The following ACTB variants were observed in gnomAD, a reference collection of about 807,000 sequenced individuals.
ACTB encodes the protein actin beta.
A neutral mutation model predicts 30.5 loss-of-function variants in ACTB; 2 were observed. The ratio of observed to expected loss-of-function variants is 0.07; its 90% CI spans 0.03 to 0.21. The LOEUF (loss-of-function observed/expected upper bound fraction) is 0.21, where lower values mean the gene tolerates loss of function less well. Among genes scored for constraint, ACTB ranks in the 10% least tolerant of loss-of-function variants. The pLI is 1.00. For missense variants in ACTB, 56 were observed against 530.0 expected, an observed-to-expected ratio of 0.11 and a Z score of 8.78; for synonymous variants, 335 against 217.6, an observed-to-expected ratio of 1.54 and a Z score of -4.75.
intron 3 of ACTB, 99 bp from the exon 4 acceptor site, chr7:5,528,818 G>A: frequency 6.7e-7 from 1 of 1,492,142 alleles, no homozygotes; most frequent in Non-Finnish European, 9.3e-7. Context: ...ACGGCTAAGT[G>A]TGCTGGGGTC....
At position 5,528,973 on chromosome 7, in the gene ACTB, G is replaced by A. The variant is rs1223077296; in HGVS notation, c.363+188C>T. 1.0e-5 allele frequency: 16 copies of A among 1,569,304 alleles called. No individual in the cohort carries two copies. The Admixed American group carries it at 2.5e-4, about 25-fold the overall frequency. ...ACTGTCTTAGACACCTAGTCAGAGA[G>A]ACAAACACCAGAAAAAGAGCTCATC... On this transcript the variant is annotated intron_variant, in intron 3 of 5. Transcript: ENST00000646664.
In ACTB at chr7:5,528,124, G is replaced by A. The variant is rs766044090; in HGVS notation, c.864C>T (p.Asp288=). Reference sequence around the variant, plus strand: ...TGTTGGCGTACAGGTCTTTGCGGATGTCCACGTCACACTTCATGATGGAGT... The same window carrying A: ...TGTTGGCGTACAGGTCTTTGCGGATATCCACGTCACACTTCATGATGGAGT... ...TFNSIMKCDV[D]IRKDLYANTV... Residue 288 remains aspartate (D), a synonymous_variant, in exon 5 of 6, where the codon GAC becomes GAT. Transcript: ENST00000646664. 1.6e-5 allele frequency: 26 copies of A among 1,614,104 alleles called. No homozygotes were observed. The highest frequency in any genetic ancestry group is 2.0e-5 in the Non-Finnish European group (24 of 1,180,046).
In ACTB at chr7:5,528,499, T is replaced by C; in HGVS notation, c.584A>G (p.Glu195Gly). The change falls in exon 4 of 6, where the codon GAG becomes GGG. Residue 195 changes from glutamate to glycine, a missense_variant. By Grantham distance (98) the Glu-to-Gly change is moderately conservative (BLOSUM62 -2). This residue lies in a region of ACTB where 32 missense variants were observed against 288.4 expected (regional missense o/e 0.11). Transcript: ENST00000646664. ...CGTGGTGGTGAAGCTGTAGCCGCGC[T>C]CGGTGAGGATCTTCATGAGGTAGTC... is the stretch of plus-strand genomic sequence containing the variant. ...LTDYLMKILT[E>G]RGYSFTTTAE... 1 of 1,613,992 alleles carries C rather than the reference T, an allele frequency of 6.2e-7. No individual in the cohort carries two copies. The highest frequency in any genetic ancestry group is 8.5e-7 in the Non-Finnish European group (1 of 1,180,016).
chr7:5,528,975 C>G, intron 3 of ACTB, 186 bp downstream of exon 3: 7 of 1,572,086 alleles, frequency 4.5e-6, no homozygotes, highest in South Asian at 2.3e-5. Flanking sequence ...GTCAGAGAGA[C>G]AAACACCAGA....
chr7:5,529,872 C>G (rs1784849846), intron 1 of ACTB: 4 of 827,636 alleles, frequency 4.8e-6, no homozygotes, highest in Non-Finnish European at 7.8e-6. Context: ...CCCCAACCCC[C>G]TCCCAACCGG....
intron 3 of ACTB, 128 bp downstream of exon 3, chr7:5,529,033 A>G: frequency 1.9e-6 from 3 of 1,612,482 alleles, no homozygotes; most frequent in Non-Finnish European, 2.5e-6. Context: ...AGAGTTCCAA[A>G]GGAGACTCAG....
intron 1 of ACTB, among the ~76,000 whole-genome samples, 171 bp downstream of exon 1, chr7:5,530,353 C>T (rs976084072): frequency 2.0e-5 from 3 of 152,048 alleles, no homozygotes; most frequent in East Asian, 3.8e-4. Context: ...CGTGGGGTGT[C>T]CCCCATCTCC....
At chr7:5,528,991 A>T in intron 3 of ACTB, 170 bp downstream of exon 3, 1 of 1,592,102 alleles carries the variant, frequency 6.3e-7, no homozygotes, top group East Asian at 2.3e-5. Flanking sequence ...CCAGAAAAAG[A>T]GCTCATCTGG....
chr7:5,527,772 G>T lies in ACTB; in HGVS notation c.1104C>A (p.Ser368=). Residue 368 remains serine, a synonymous_variant, in exon 6 of 6, where the codon TCC becomes TCA. Coordinates refer to ENST00000646664, the MANE Select transcript of ACTB (RefSeq NM_001101.5). ...CCTAGAAGCATTTGCGGTGGACGAT[G>T]GAGGGGCCGGACTCGTCATACTCCT... ...SKQEYDESGP[S]IVHRKCF is the part of the protein sequence containing the mutation. The T allele has an allele frequency of 6.2e-7, 1 of 1,614,002 alleles. No individual in the cohort carries two copies. Among genetic ancestry groups the T allele is most frequent in the Non-Finnish European group, 8.5e-7 (1 of 1,180,012 alleles).
intron 2 of ACTB, 66 bp downstream of exon 2, chr7:5,529,469 G>A: frequency 5.6e-6 from 9 of 1,613,152 alleles, no homozygotes; most frequent in Non-Finnish European, 7.6e-6. Context: ...GGAGGCTCCT[G>A]TGCAGAGAAA....
At chr7:5,530,352 TC>T (rs1235515328) in intron 1 of ACTB, among the ~76,000 whole-genome samples, 171 bp downstream of exon 1, 1 of 151,834 alleles carries the variant, frequency 6.6e-6, no homozygotes, top group African/African-American at 2.4e-5. Flanking sequence ...GCGTGGGGTG[TC>T]CCCCATCTCC....
At chr7:5,530,187 G>A (rs1386911731) in intron 1 of ACTB, among the ~76,000 whole-genome samples, 1 of 152,000 alleles carries the variant, frequency 6.6e-6, no homozygotes, top group Non-Finnish European at 1.5e-5. Flanking sequence ...TGGCGCCCCA[G>A]CCCCCACCGG....
rs767166581 is a variant in ACTB at position 5,527,988 on chromosome 7, C to G, written c.984+16G>C. ...GCCGACCTGCCCAGGTCAGCTCAGG[C>G]AGGAAAGACACCCACCTTGATCTTC... On this transcript the variant is annotated intron_variant, in intron 5 of 5. Coordinates refer to ENST00000646664, the MANE Select transcript of ACTB (RefSeq NM_001101.5). 2.0e-5 allele frequency: 32 copies of G among 1,613,112 alleles called. No individual in the cohort carries two copies. The highest frequency in any genetic ancestry group is 2.2e-5 in the East Asian group (1 of 44,884).
Position 5,527,998 on chromosome 7 carries a change from A to ACC in ACTB, c.984+4_984+5dup. The ACC allele has an allele frequency of 4.3e-6, 7 of 1,613,184 alleles. No individual in the cohort carries two copies. The highest frequency in any genetic ancestry group is 5.9e-6 in the Non-Finnish European group (7 of 1,179,166). ...CCAGGTCAGCTCAGGCAGGAAAGAC[A>ACC]CCCACCTTGATCTTCATTGTGCTGG... On this transcript the variant is annotated splice_donor_region_variant and intron_variant, in intron 5 of 5. Coordinates refer to ENST00000646664, the MANE Select transcript of ACTB (RefSeq NM_001101.5).
intron 3 of ACTB, 110 bp downstream of exon 3, chr7:5,529,051 A>T (rs1562719555): frequency 2.5e-6 from 4 of 1,613,050 alleles, no homozygotes; most frequent in Non-Finnish European, 3.4e-6. Flanking sequence ...CAGGTCAGAG[A>T]AGAGAGTCCT....
At position 5,527,868 on chromosome 7, in the gene ACTB, C is replaced by T; in HGVS notation, c.1008G>A (p.Lys336=). The T allele has an allele frequency of 1.2e-6, 2 of 1,614,044 alleles. No individual in the cohort carries two copies. The highest frequency in any genetic ancestry group is 1.3e-5 in the African/African-American group (1 of 75,020). The stretch of plus-strand genomic sequence containing the variant: ...TGGAGCCGCCGATCCACACGGAGTA[C>T]TTGCGCTCAGGAGGAGCAATGATCT... ...KIKIIAPPER[K]YSVWIGGSIL... Residue 336 remains lysine (K), a synonymous_variant, in exon 6 of 6, where the codon AAG becomes AAA. Coordinates refer to ENST00000646664, the MANE Select transcript of ACTB (RefSeq NM_001101.5).
chr7:5,530,252 G>T (rs911522476), intron 1 of ACTB, among the ~76,000 whole-genome samples: 1 of 151,952 alleles, frequency 6.6e-6, no homozygotes. Context: ...CAAGAGCCCG[G>T]CTCAGACAAA....
rs766794678 is a variant in ACTB at position 5,529,053 on chromosome 7, G to T, written c.363+108C>A. ...TCCAAAGGAGACTCAGGTCAGAGAA[G>T]AGAGTCCTACGGAAAACGGCAGAAG... On this transcript the variant is annotated intron_variant, in intron 3 of 5. Coordinates refer to ENST00000646664, the MANE Select transcript of ACTB (RefSeq NM_001101.5). The T allele has an allele frequency of 8.1e-6, 13 of 1,612,956 alleles. No individual in the cohort carries two copies. The East Asian group carries it at 1.1e-4, about 14-fold the overall frequency.
Position 5,527,393 on chromosome 7 carries a change from C to T in ACTB, c.*355G>A, listed in dbSNP as rs1784786600. 1 of 383,802 alleles carries T rather than the reference C, an allele frequency of 2.6e-6. No individual in the cohort carries two copies. The highest frequency in any genetic ancestry group is 4.3e-5 in the Admixed American group (1 of 23,208). 23.8% of individuals were successfully genotyped at this position (383,802 alleles called of 1,614,324 possible). The stretch of plus-strand genomic sequence containing the variant: ...TACACGAAAGCAATGCTATCACCTC[C>T]CCTGTGTGGACTTGGGAGAGGACTG... On this transcript the variant is annotated 3_prime_UTR_variant, in exon 6 of 6. Coordinates refer to ENST00000646664, the MANE Select transcript of ACTB (RefSeq NM_001101.5).
Sources: gnomAD v4.1 joint callset for allele counts (sites outside exome capture counted in the v4.1 genomes callset) on GRCh38, gnomAD v4.1.1 for gene constraint, gnomAD v4.1.1 regional missense constraint, MANE v1.5 for transcripts, NCBI Gene and HGNC (gene_info 2026-07-23, HGNC 2026-07-21) for gene names.